SIPA1L3: variants seen among roughly 807,000 people sequenced by gnomAD.
SIPA1L3 encodes signal-induced proliferation-associated 1-like protein 3.
In SIPA1L3, 59 loss-of-function variants were observed where a neutral mutation model predicts 150.1. The observed-to-expected ratio is 0.39, with a 90% CI of 0.32 to 0.49. The LOEUF (loss-of-function observed/expected upper bound fraction) is 0.49. Among genes scored for constraint, SIPA1L3 ranks in the 20% least tolerant of loss-of-function variants. The pLI, the probability that SIPA1L3 is intolerant of heterozygous loss-of-function variation, is 0.86. For synonymous variants in SIPA1L3, 1,070 were observed against 1,077.6 expected (o/e 0.99, Z 0.14); for missense variants, 2,211 against 2,489.5 (o/e 0.89, Z 2.38).
chr19:38,060,005 G>A (rs945288428), intron 2 of SIPA1L3, among the ~76,000 whole-genome samples: 3 of 152,132 alleles, frequency 2.0e-5, no homozygotes, highest in Non-Finnish European at 2.9e-5. Context: ...GAACTTCTGA[G>A]CTCAGGTAAC....
intron 2 of SIPA1L3, among the ~76,000 whole-genome samples, chr19:38,067,579 A>T (rs574623915): frequency 3.9e-5 from 6 of 152,234 alleles, no homozygotes; most frequent in African/African-American, 1.4e-4. Context: ...CCTGGCCAAC[A>T]TGGCAAAACC....
intron 4 of SIPA1L3, among the ~76,000 whole-genome samples, chr19:38,089,742 C>G (rs1970220131): frequency 6.6e-6 from 1 of 152,242 alleles, no homozygotes; most frequent in Non-Finnish European, 1.5e-5. Context: ...GGCACCCATG[C>G]TCTATTAGGA....
chr19:38,131,078 C>A (rs909725863), intron 10 of SIPA1L3, among the ~76,000 whole-genome samples: 10 of 152,196 alleles, frequency 6.6e-5, no homozygotes, highest in Non-Finnish European at 1.0e-4. Flanking sequence ...AGTTGCTTGC[C>A]TGTGGGCCCC....
intron 1 of SIPA1L3, among the ~76,000 whole-genome samples, chr19:37,925,940 A>T (rs1197325660): frequency 6.6e-6 from 1 of 152,128 alleles, no homozygotes; most frequent in African/African-American, 2.4e-5. Context: ...ATGTACAAGG[A>T]ACCAAAGCAA....
chr19:38,120,372 T>C (rs2145897188), intron 9 of SIPA1L3, among the ~76,000 whole-genome samples: 1 of 151,354 alleles, frequency 6.6e-6, no homozygotes, highest in Non-Finnish European at 1.5e-5. Context: ...CTTGGGAGGC[T>C]GAGGTGGGAG....
intron 15 of SIPA1L3, among the ~76,000 whole-genome samples, chr19:38,165,703 C>T (rs1430614951): frequency 6.6e-6 from 1 of 152,174 alleles, no homozygotes; most frequent in East Asian, 1.9e-4. Flanking sequence ...GCTGCTGGCC[C>T]CCACCCAGAG....
intron 16 of SIPA1L3, among the ~76,000 whole-genome samples, chr19:38,188,932 AAAAGT>A (rs1223297518): frequency 6.6e-6 from 1 of 151,534 alleles, no homozygotes; most frequent in Non-Finnish European, 1.5e-5. Flanking sequence ...AAAAAAAAAA[AAAAGT>A]AAGCCTCTCT....
chr19:37,953,292 C>T (rs956512273), intron 1 of SIPA1L3, among the ~76,000 whole-genome samples: 2 of 152,138 alleles, frequency 1.3e-5, no homozygotes, highest in Non-Finnish European at 2.9e-5. Context: ...GCACACTGGC[C>T]GCTAAACCTG....
intron 4 of SIPA1L3, among the ~76,000 whole-genome samples, chr19:38,091,496 C>T (rs1370525336): frequency 6.6e-6 from 1 of 152,204 alleles, no homozygotes; most frequent in African/African-American, 2.4e-5. Context: ...CCTTTTATAT[C>T]TATTAACTCA....
chr19:38,169,418 T>G (rs558915454), intron 15 of SIPA1L3, among the ~76,000 whole-genome samples: 2 of 150,430 alleles, frequency 1.3e-5, no homozygotes, highest in African/African-American at 4.9e-5. Context: ...TGGATAAGAG[T>G]GTGGCCTTTA....
At chr19:37,972,308 A>G (rs1333041938) in intron 1 of SIPA1L3, among the ~76,000 whole-genome samples, 1 of 152,142 alleles carries the variant, frequency 6.6e-6, no homozygotes, top group Non-Finnish European at 1.5e-5. Flanking sequence ...TTTTTGAAAT[A>G]CGAAGATAAA....
chr19:38,090,571 CA>C (rs762245602), intron 4 of SIPA1L3, among the ~76,000 whole-genome samples: 1 of 152,134 alleles, frequency 6.6e-6, no homozygotes, highest in African/African-American at 2.4e-5. Context: ...AGAGGGGACC[CA>C]GGGAAGCAGA....
chr19:38,036,520 G>T (rs1006270390), intron 2 of SIPA1L3, among the ~76,000 whole-genome samples: 1 of 152,210 alleles, frequency 6.6e-6, no homozygotes, highest in East Asian at 1.9e-4. Flanking sequence ...TCGCAGCTCC[G>T]TGGAGTGCTT....
At chr19:38,039,686 T>C (rs1968868315) in intron 2 of SIPA1L3, among the ~76,000 whole-genome samples, 2 of 96,616 alleles carry the variant, frequency 2.1e-5, no homozygotes, top group East Asian at 3.0e-4. Context: ...AGAGCAAGAC[T>C]CTGTCTCAAA....
At chr19:37,926,903 T>G (rs1176468052) in intron 1 of SIPA1L3, among the ~76,000 whole-genome samples, 4 of 152,094 alleles carry the variant, frequency 2.6e-5, no homozygotes, top group African/African-American at 9.7e-5. Context: ...GCCACTCCTT[T>G]AAGCCTCCCG....
At chr19:38,198,602 C>T in intron 19 of SIPA1L3, 70 bp downstream of exon 19, 1 of 1,321,124 alleles carries the variant, frequency 7.6e-7, no homozygotes, top group South Asian at 2.4e-5. Flanking sequence ...TCATGGAGGG[C>T]CTCATGGCTT....
chr19:37,961,017 C>T (rs572078985), intron 1 of SIPA1L3, among the ~76,000 whole-genome samples: 8 of 151,860 alleles, frequency 5.3e-5, no homozygotes, highest in Non-Finnish European at 7.4e-5. Context: ...TACAGGCACC[C>T]GCCACCACAC....
At chr19:38,098,342 C>T (rs537099410) in intron 4 of SIPA1L3, among the ~76,000 whole-genome samples, 9 of 151,866 alleles carry the variant, frequency 5.9e-5, no homozygotes, top group South Asian at 4.2e-4. Flanking sequence ...ATTTCATTCT[C>T]ATACCACTGC....
chr19:38,079,968 G>A (rs535991999), intron 2 of SIPA1L3, among the ~76,000 whole-genome samples: 22 of 152,328 alleles, frequency 1.4e-4, no homozygotes, highest in Non-Finnish European at 2.1e-4. Flanking sequence ...AGAAAAGAAG[G>A]CCAGTATGAT....
Sources: allele counts gnomAD v4.1 joint callset (sites outside exome capture counted in the v4.1 genomes callset), GRCh38; gene constraint gnomAD v4.1.1; transcripts MANE v1.5; gene names NCBI Gene and HGNC (gene_info 2026-07-23, HGNC 2026-07-21).